The following GNA14 variants were observed in gnomAD, a reference collection of about 807,000 sequenced individuals.
GNA14 encodes the protein G protein subunit alpha 14.
GNA14 carries 50 observed loss-of-function variants against 42.0 expected under a neutral mutation model. The ratio of observed to expected loss-of-function variants is 1.19; its 90% CI spans 0.95 to 1.51. The LOEUF is 1.51. GNA14 is among the 40% of genes most tolerant of loss of function. The pLI is 0.00. For synonymous variants in GNA14, 173 were observed against 163.1 expected (o/e 1.06, Z -0.46); for missense variants, 473 against 446.2 (o/e 1.06, Z -0.54).
chr9:77,443,416 G>A (rs1289104548), intron 2 of GNA14, among the ~76,000 whole-genome samples: 4 of 152,046 alleles, frequency 2.6e-5, no homozygotes, highest in Admixed American at 2.0e-4. Flanking sequence ...TCCTGCACCT[G>A]CAAGCTCACT....
chr9:77,487,450 A>G (rs1468552330), intron 2 of GNA14, among the ~76,000 whole-genome samples: 2 of 152,180 alleles, frequency 1.3e-5, no homozygotes, highest in South Asian at 2.1e-4. Flanking sequence ...ACATTTTGCC[A>G]TCTCCTCTTC....
At chr9:77,642,335 T>C (rs1824280482) in intron 1 of GNA14, among the ~76,000 whole-genome samples, 1 of 152,196 alleles carries the variant, frequency 6.6e-6, no homozygotes, top group African/African-American at 2.4e-5. Context: ...TGAGATTGGT[T>C]TGCTCCAGCC....
At chr9:77,489,327 A>G (rs1836715794) in intron 2 of GNA14, among the ~76,000 whole-genome samples, 1 of 152,210 alleles carries the variant, frequency 6.6e-6, no homozygotes, top group Non-Finnish European at 1.5e-5. Flanking sequence ...GTTCAAGAGG[A>G]AGTTGTGCAA....
chr9:77,431,091 T>C (rs1429282950), intron 4 of GNA14, among the ~76,000 whole-genome samples: 1 of 149,058 alleles, frequency 6.7e-6, no homozygotes, highest in African/African-American at 2.4e-5. Context: ...ATAAGAATCA[T>C]TCCAGTTTCC....
chr9:77,538,533 T>G (rs1197843603), intron 1 of GNA14, among the ~76,000 whole-genome samples: 2 of 152,210 alleles, frequency 1.3e-5, no homozygotes, highest in East Asian at 3.8e-4. Context: ...ATATGGTCAT[T>G]TTAATTATGT....
intron 2 of GNA14, among the ~76,000 whole-genome samples, chr9:77,492,108 A>G (rs1300158709): frequency 6.6e-6 from 1 of 152,158 alleles, no homozygotes; most frequent in African/African-American, 2.4e-5. Context: ...TTCTTAAAAC[A>G]AATGAAAATG....
chr9:77,603,940 T>C (rs1458517613), intron 1 of GNA14, among the ~76,000 whole-genome samples: 1 of 78,014 alleles, frequency 1.3e-5, no homozygotes, highest in Non-Finnish European at 2.2e-5. Context: ...TAAGACTCCA[T>C]CTCAAAAAAA....
At chr9:77,463,278 A>G (rs1227136790) in intron 2 of GNA14, among the ~76,000 whole-genome samples, 2 of 152,220 alleles carry the variant, frequency 1.3e-5, no homozygotes, top group African/African-American at 4.8e-5. Context: ...ATGCGGCAAC[A>G]GTGCATCTCA....
chr9:77,548,157 C>A (rs1837743365), intron 1 of GNA14, among the ~76,000 whole-genome samples: 1 of 152,204 alleles, frequency 6.6e-6, no homozygotes, highest in South Asian at 2.1e-4. Flanking sequence ...TCTCACGGAG[C>A]TGCTGAGAGG....
At chr9:77,588,764 T>A (rs1307639934) in intron 1 of GNA14, among the ~76,000 whole-genome samples, 1 of 152,240 alleles carries the variant, frequency 6.6e-6, no homozygotes, top group Non-Finnish European at 1.5e-5. Flanking sequence ...GAGGTCACCT[T>A]AGCCCCAGGA....
chr9:77,603,157 C>A (rs1407982923), intron 1 of GNA14, among the ~76,000 whole-genome samples: 1 of 152,224 alleles, frequency 6.6e-6, no homozygotes, highest in East Asian at 1.9e-4. Context: ...ATTCTTCTTT[C>A]ATGAACAATT....
intron 1 of GNA14, among the ~76,000 whole-genome samples, chr9:77,586,051 CCAAA>C (rs1180803798): frequency 6.6e-6 from 1 of 152,028 alleles, no homozygotes; most frequent in Non-Finnish European, 1.5e-5. Flanking sequence ...TGAGTGTTCG[CCAAA>C]CACTCCCCAG....
chr9:77,476,553 G>A (rs1056403717), intron 2 of GNA14, among the ~76,000 whole-genome samples: 3 of 152,320 alleles, frequency 2.0e-5, no homozygotes, highest in Admixed American at 1.3e-4. Flanking sequence ...CAGGGAGGCA[G>A]TGTGAAAAGA....
At chr9:77,583,107 G>GT (rs1823251768) in intron 1 of GNA14, among the ~76,000 whole-genome samples, 2 of 152,160 alleles carry the variant, frequency 1.3e-5, no homozygotes, top group Non-Finnish European at 2.9e-5. Context: ...AAGCTCAGAG[G>GT]TCTTGGGATA....
intron 2 of GNA14, among the ~76,000 whole-genome samples, chr9:77,435,559 T>G (rs918932644): frequency 5.3e-5 from 8 of 152,098 alleles, no homozygotes; most frequent in Admixed American, 4.6e-4. Flanking sequence ...TATTACCATA[T>G]TTATTATTAC....
rs1156294710 is a variant in GNA14, at chr9:77,616,665, A to G, written c.124+31005T>C. On this transcript the variant is annotated intron_variant, in intron 1 of 6. Coordinates refer to ENST00000341700, the MANE Select transcript of GNA14 (RefSeq NM_004297.4). Reference sequence around the variant, plus strand: ...CACAGAAACAGGACCTCTTAGCAGTAAAGTTTTTATTTACTCTACGTCATA... The same window carrying G: ...CACAGAAACAGGACCTCTTAGCAGTGAAGTTTTTATTTACTCTACGTCATA... 4.6e-5 allele frequency among the ~76,000 whole-genome samples: 7 copies of G among 152,342 alleles called. No individual in the cohort carries two copies. The East Asian group carries it at 1.2e-3, about 25-fold the overall frequency.
intron 1 of GNA14, among the ~76,000 whole-genome samples, chr9:77,544,610 C>T (rs114471315): frequency 0.035 from 5,028 of 144,318 alleles, 283 homozygotes; most frequent in African/African-American, 0.12. Context: ...GGCTAAAGCA[C>T]GAGAATCACT....
At chr9:77,591,146 C>T (rs1823384780) in intron 1 of GNA14, among the ~76,000 whole-genome samples, 1 of 152,206 alleles carries the variant, frequency 6.6e-6, no homozygotes, top group South Asian at 2.1e-4. Flanking sequence ...AGGACGATCA[C>T]ACGCTGTTTC....
chr9:77,552,471 C>T (rs945236058), intron 1 of GNA14, among the ~76,000 whole-genome samples: 2 of 152,156 alleles, frequency 1.3e-5, no homozygotes, highest in Non-Finnish European at 2.9e-5. Context: ...TTTCTTGGTC[C>T]TACATTCTGT....
Sources: gnomAD v4.1 joint callset for allele counts (sites outside exome capture counted in the v4.1 genomes callset) on GRCh38, gnomAD v4.1.1 for gene constraint, MANE v1.5 for transcripts, NCBI Gene and HGNC (gene_info 2026-07-23, HGNC 2026-07-21) for gene names.